UBAC2: variants seen among roughly 807,000 people sequenced by gnomAD.
UBAC2 encodes ubiquitin-associated domain-containing protein 2.
A neutral mutation model predicts 44.0 loss-of-function variants in UBAC2; 26 were observed. The observed-to-expected ratio is 0.59, with a 90% confidence interval of 0.43 to 0.82. The LOEUF is 0.82. Among genes scored for constraint, UBAC2 ranks in the 40% least tolerant of loss-of-function variants. The pLI, the probability that UBAC2 is intolerant of heterozygous loss-of-function variation, is 0.00. For missense variants in UBAC2, 329 were observed against 419.4 expected (o/e 0.78, Z 1.88); for synonymous variants, 155 against 154.3 (o/e 1.00, Z -0.04).
intron 1 of UBAC2, among the ~76,000 whole-genome samples, chr13:99,208,319 C>A (rs1566446663): frequency 6.6e-6 from 1 of 152,140 alleles, no homozygotes; most frequent in African/African-American, 2.4e-5. Context: ...TTAAAATACA[C>A]TCAGTTGGGG....
At chr13:99,299,881 G>C (rs767147360) in intron 4 of UBAC2, among the ~76,000 whole-genome samples, 5 of 152,266 alleles carry the variant, frequency 3.3e-5, no homozygotes, top group African/African-American at 1.2e-4. Flanking sequence ...AAAAATTGGA[G>C]TGGTTCTTAA....
chr13:99,288,892 T>A (rs1257351702), intron 4 of UBAC2, among the ~76,000 whole-genome samples: 5 of 152,234 alleles, frequency 3.3e-5, no homozygotes, highest in African/African-American at 1.2e-4. Flanking sequence ...GCACTGTCTA[T>A]GTTCAGGGTG....
chr13:99,293,856 AC>A (rs2044127732), intron 4 of UBAC2, among the ~76,000 whole-genome samples: 1 of 151,640 alleles, frequency 6.6e-6, no homozygotes, highest in Admixed American at 6.6e-5. Context: ...ACAGAGTGAG[AC>A]CCCCTTTCTG....
At chr13:99,298,251 T>C (rs1473958848) in intron 4 of UBAC2, among the ~76,000 whole-genome samples, 1 of 152,182 alleles carries the variant, frequency 6.6e-6, no homozygotes, top group Non-Finnish European at 1.5e-5. Flanking sequence ...AATTTGACCA[T>C]GTGCTAGGTC....
intron 6 of UBAC2, among the ~76,000 whole-genome samples, chr13:99,324,852 C>T (rs1048035227): frequency 6.6e-6 from 1 of 152,094 alleles, no homozygotes; most frequent in Non-Finnish European, 1.5e-5. Context: ...GATATTCAGT[C>T]ATGGTGCCAG....
intron 6 of UBAC2, among the ~76,000 whole-genome samples, chr13:99,321,006 T>C (rs919518854): frequency 2.6e-5 from 4 of 152,212 alleles, no homozygotes; most frequent in African/African-American, 9.6e-5. Flanking sequence ...ATTATAATTA[T>C]AGATGATATT....
chr13:99,342,154 G>A (rs2044900209), intron 7 of UBAC2, among the ~76,000 whole-genome samples: 1 of 152,232 alleles, frequency 6.6e-6, no homozygotes, highest in African/African-American at 2.4e-5. Context: ...AAGGCAGCAA[G>A]ATGGGACAGA....
chr13:99,211,824 G>A (rs1343168523), intron 1 of UBAC2, among the ~76,000 whole-genome samples: 1 of 152,202 alleles, frequency 6.6e-6, no homozygotes, highest in Admixed American at 6.5e-5. Flanking sequence ...GGTTAGTGTA[G>A]AGCTTGAGCC....
At chr13:99,212,701 C>T (rs910863292) in intron 1 of UBAC2, among the ~76,000 whole-genome samples, 1 of 152,120 alleles carries the variant, frequency 6.6e-6, no homozygotes, top group South Asian at 2.1e-4. Context: ...TTATACTGCC[C>T]AGATTTGATC....
chr13:99,279,150 T>TA (rs2043921331), intron 4 of UBAC2, among the ~76,000 whole-genome samples: 1 of 152,154 alleles, frequency 6.6e-6, no homozygotes, highest in Non-Finnish European at 1.5e-5. Flanking sequence ...CCCCTTTTCT[T>TA]ACCCCTTTAT....
At chr13:99,307,945 G>A (rs1198017718) in intron 4 of UBAC2, 1 of 152,220 alleles carries the variant, frequency 6.6e-6, no homozygotes, top group Non-Finnish European at 1.5e-5. Flanking sequence ...ATTAGTCGCC[G>A]TTTTCAGTCG....
chr13:99,318,946 G>GAAAA (rs540919224), intron 6 of UBAC2, among the ~76,000 whole-genome samples: 1 of 131,492 alleles, frequency 7.6e-6, no homozygotes, highest in Non-Finnish European at 1.6e-5. Context: ...TTAAATCATA[G>GAAAA]AAAAAAAAAA....
chr13:99,351,528 A>G (rs2045088950), intron 7 of UBAC2: 1 of 456,658 alleles, frequency 2.2e-6, no homozygotes, highest in Non-Finnish European at 4.4e-6. Context: ...TATAGCCAGC[A>G]GCTTTCAAAG....
intron 4 of UBAC2, among the ~76,000 whole-genome samples, chr13:99,266,979 C>T (rs192577395): frequency 6.6e-6 from 1 of 152,244 alleles, no homozygotes; most frequent in Admixed American, 6.5e-5. Context: ...ACACAATGCC[C>T]AGTTTCTCCC....
chr13:99,372,989 G>A (rs1405120285), intron 8 of UBAC2, among the ~76,000 whole-genome samples: 3 of 151,864 alleles, frequency 2.0e-5, no homozygotes, highest in Admixed American at 6.6e-5. Flanking sequence ...GCATGGTGAC[G>A]GGCGCCTGTA....
intron 4 of UBAC2, among the ~76,000 whole-genome samples, chr13:99,282,246 A>G (rs1223405092): frequency 6.6e-6 from 1 of 152,116 alleles, no homozygotes; most frequent in Non-Finnish European, 1.5e-5. Flanking sequence ...ATCACCCATG[A>G]TGGAGAGTCA....
chr13:99,380,614 C>T (rs1423021438), intron 8 of UBAC2, among the ~76,000 whole-genome samples: 6 of 152,314 alleles, frequency 3.9e-5, no homozygotes, highest in South Asian at 4.1e-4. Context: ...AAGCACCCAT[C>T]GGAACACCTA....
chr13:99,245,621 T>A (rs1013764859), intron 4 of UBAC2, among the ~76,000 whole-genome samples: 3 of 152,120 alleles, frequency 2.0e-5, no homozygotes, highest in African/African-American at 7.2e-5. Flanking sequence ...GGTGGGCGGA[T>A]CACGAGGTCA....
rs1211110644 is a variant in UBAC2 at position 99,295,480 on chromosome 13, T to A, written c.390-18617T>A. ...GGTTTTGTTTGGCAGTTCTGAAGAG[T>A]TTGCAGCAGATCTGAGAATAGCAGA... is the stretch of plus-strand genomic sequence containing the variant. On this transcript the variant is annotated intron_variant, in intron 4 of 8. Transcript: ENST00000403766. The surrounding 1 kb of genome is among the most constrained non-coding windows in gnomAD (Gnocchi z 4.1). 1.2e-6 allele frequency: 2 copies of A among 1,613,890 alleles called. No homozygotes were observed. Among genetic ancestry groups the A allele is most frequent in the Non-Finnish European group, 8.5e-7 (1 of 1,179,998 alleles).
Sources: allele counts gnomAD v4.1 joint callset (sites outside exome capture counted in the v4.1 genomes callset), GRCh38; gene constraint gnomAD v4.1.1; non-coding constraint Gnocchi (gnomAD v3.1); transcripts MANE v1.5; gene names NCBI Gene and HGNC (gene_info 2026-07-23, HGNC 2026-07-21).